The following TBXAS1 variants were observed in gnomAD, a reference collection of about 807,000 sequenced individuals.
TBXAS1 encodes thromboxane-A synthase.
TBXAS1 carries 48 observed loss-of-function variants against 60.7 expected under a neutral mutation model. The ratio of observed to expected loss-of-function variants is 0.79; its 90% CI spans 0.63 to 1.01. TBXAS1 has a LOEUF of 1.01. Among genes scored for constraint, TBXAS1 ranks in the 50% least tolerant of loss-of-function variants. The pLI, the probability that TBXAS1 is intolerant of heterozygous loss-of-function variation, is 0.00. For missense variants in TBXAS1, 685 were observed against 686.3 expected (o/e 1.00, Z 0.02); for synonymous variants, 287 against 269.7 (o/e 1.06, Z -0.63).
Position 139,953,420 on chromosome 7 carries a change from G to C in TBXAS1, c.503G>C (p.Arg168Pro). The change falls in exon 6 of 13, where the codon CGC (arginine) becomes CCC (proline). Residue 168 changes from arginine (R) to proline (P), a missense_variant. Transcript: ENST00000448866. ...GACCTTCTCCTGGCTCATTTAAAAC[G>C]CTATGCGGAATCTGGGGACGCATTT... ...ACDLLLAHLK[R>P]YAESGDAFDI... The C allele has an allele frequency of 6.2e-7, 1 of 1,614,144 alleles. No individual in the cohort carries two copies. The highest frequency in any genetic ancestry group is 8.5e-7 in the Non-Finnish European group (1 of 1,180,022).
At chr7:139,914,703 C>T (rs1048797233) in intron 4 of TBXAS1, among the ~76,000 whole-genome samples, 1 of 152,148 alleles carries the variant, frequency 6.6e-6, no homozygotes, top group South Asian at 2.1e-4. Flanking sequence ...ATGCACTTTT[C>T]CCCTTCCCTG....
At chr7:139,952,552 T>A in intron 5 of TBXAS1, 1 of 1,536,802 alleles carries the variant, frequency 6.5e-7, no homozygotes, top group Non-Finnish European at 8.7e-7. Flanking sequence ...TATTTTCAGC[T>A]TGGCCTTTTA....
At chr7:139,976,296 G>C (rs1241016401) in intron 9 of TBXAS1, among the ~76,000 whole-genome samples, 2 of 152,152 alleles carry the variant, frequency 1.3e-5, no homozygotes, top group African/African-American at 4.8e-5. Flanking sequence ...TATCCATTGA[G>C]ACAAGTCCCT....
intron 1 of TBXAS1, among the ~76,000 whole-genome samples, chr7:139,846,753 T>C (rs1799834327): frequency 1.3e-5 from 2 of 152,196 alleles, no homozygotes; most frequent in Non-Finnish European, 2.9e-5. Flanking sequence ...CTTTTGACCT[T>C]GAACAAGTAA....
At chr7:139,872,410 T>A (rs1801891846) in intron 2 of TBXAS1, 82 bp downstream of exon 2, 1 of 1,397,048 alleles carries the variant, frequency 7.2e-7, no homozygotes, top group Admixed American at 1.7e-5. Context: ...ATCCCAGCAC[T>A]TTGGGAGGCC....
chr7:139,947,620 ACCTT>A (rs980061640), intron 5 of TBXAS1, among the ~76,000 whole-genome samples: 31 of 152,344 alleles, frequency 2.0e-4, no homozygotes, highest in South Asian at 8.3e-4. Flanking sequence ...GTTATGCAGA[ACCTT>A]CCTTCCTTGG....
intron 3 of TBXAS1, among the ~76,000 whole-genome samples, chr7:139,910,024 C>T (rs1805396519): frequency 6.6e-6 from 1 of 152,142 alleles, no homozygotes; most frequent in African/African-American, 2.4e-5. Flanking sequence ...AACTTTTGCT[C>T]ATCTTCCAGA....
At chr7:140,012,608 G>A (rs1244230258) in intron 10 of TBXAS1, among the ~76,000 whole-genome samples, 1 of 152,044 alleles carries the variant, frequency 6.6e-6, no homozygotes, top group Non-Finnish European at 1.5e-5. Context: ...ACAGGCGCAC[G>A]ACACCATGCT....
intron 1 of TBXAS1, among the ~76,000 whole-genome samples, chr7:139,856,406 A>G (rs1326211103): frequency 6.6e-6 from 1 of 152,166 alleles, no homozygotes; most frequent in Non-Finnish European, 1.5e-5. Flanking sequence ...CAGAACTCAG[A>G]ACTGAGGGAT....
intron 9 of TBXAS1, among the ~76,000 whole-genome samples, chr7:139,977,888 T>C (rs1267385268): frequency 6.6e-6 from 1 of 152,186 alleles, no homozygotes; most frequent in Non-Finnish European, 1.5e-5. Context: ...TATAAAGAAA[T>C]AGGCCCTGTT....
At chr7:139,796,738 G>T (rs944928952) in intron 4 of TBXAS1, among the ~76,000 whole-genome samples, 1 of 152,138 alleles carries the variant, frequency 6.6e-6, no homozygotes, top group African/African-American at 2.4e-5. Flanking sequence ...GGAGGGCCAG[G>T]TTTATATGGA....
At chr7:140,016,948 T>G (rs1042259312) in intron 11 of TBXAS1, 1 of 152,618 alleles carries the variant, frequency 6.6e-6, no homozygotes, top group African/African-American at 2.4e-5. Context: ...AGCCTCACAA[T>G]AAAGCCCAGG....
chr7:139,950,821 G>A (rs866098462), intron 5 of TBXAS1, among the ~76,000 whole-genome samples: 1 of 61,370 alleles, frequency 1.6e-5, no homozygotes, highest in Non-Finnish European at 3.2e-5. Flanking sequence ...TTCCATCTAC[G>A]GGACCCCCTC....
intron 3 of TBXAS1, among the ~76,000 whole-genome samples, chr7:139,884,932 T>C (rs1325078752): frequency 6.6e-6 from 1 of 152,126 alleles, no homozygotes; most frequent in Non-Finnish European, 1.5e-5. Flanking sequence ...ATCTCCGATA[T>C]CAGTCAGGGT....
At chr7:139,799,352 C>A (rs1340488144) in intron 4 of TBXAS1, among the ~76,000 whole-genome samples, 1 of 151,892 alleles carries the variant, frequency 6.6e-6, no homozygotes, top group Non-Finnish European at 1.5e-5. Context: ...GCCTCAGCCT[C>A]CCCCAAGTAG....
rs1007035833 is a variant in TBXAS1, at chr7:140,013,218, G to A, written c.1227-2505G>A. ...TCTGGCAAGTGAACTGTTTGCTCACGCAAGCAAACCATTGTCCTGATAGGA... is the reference window on the plus strand; with the variant it reads ...TCTGGCAAGTGAACTGTTTGCTCACACAAGCAAACCATTGTCCTGATAGGA... On this transcript the variant is annotated intron_variant, in intron 10 of 12. Transcript: ENST00000448866. This position sits in a 1 kb window ranked among gnomAD's most constrained non-coding sequence, Gnocchi z 4.2. 2.0e-5 allele frequency among the ~76,000 whole-genome samples: 3 copies of A among 152,162 alleles called. No homozygotes were observed. Among genetic ancestry groups the A allele is most frequent in the African/African-American group, 4.8e-5 (2 of 41,440 alleles).
intron 3 of TBXAS1, among the ~76,000 whole-genome samples, chr7:139,887,856 C>T (rs1050592774): frequency 2.0e-5 from 3 of 152,206 alleles, no homozygotes; most frequent in Admixed American, 2.0e-4. Context: ...ATACTGTTTT[C>T]CATAGTGACC....
At position 139,877,541 on chromosome 7, in the gene TBXAS1, G is replaced by C. The variant is rs567064603; in HGVS notation, c.236+1904G>C. On this transcript the variant is annotated intron_variant, in intron 3 of 12. Coordinates refer to ENST00000448866, the MANE Select transcript of TBXAS1 (RefSeq NM_001061.7). Reference sequence around the variant, plus strand: ...GAGCTCAAGCGATGCTCCTGCCTCAGCCTCCTGGGCAGCTGGGATTACAGG... The same window carrying C: ...GAGCTCAAGCGATGCTCCTGCCTCACCCTCCTGGGCAGCTGGGATTACAGG... Among the ~76,000 whole-genome samples the C allele has an allele frequency of 2.7e-3, 393 of 148,228 alleles. 4 individuals carry two copies. Among genetic ancestry groups the C allele is most frequent in the Non-Finnish European group, 4.7e-3 (317 of 67,220 alleles).
At chr7:139,809,198 TGATA>T (rs1554466809) in intron 4 of TBXAS1, among the ~76,000 whole-genome samples, 1,522 of 140,308 alleles carry the variant, frequency 0.011, 14 homozygotes, top group East Asian at 0.035. Context: ...AGGAGATAGA[TGATA>T]GATAGATAGA....
Sources: allele counts gnomAD v4.1 joint callset (sites outside exome capture counted in the v4.1 genomes callset), GRCh38; gene constraint gnomAD v4.1.1; non-coding constraint Gnocchi (gnomAD v3.1); transcripts MANE v1.5; gene names NCBI Gene and HGNC (gene_info 2026-07-23, HGNC 2026-07-21).